Variants in PHYH observed in about 807,000 individuals in gnomAD.
PHYH encodes the protein phytanoyl-CoA dioxygenase, peroxisomal.
Under a neutral mutation model 38.5 loss-of-function variants are expected in PHYH, and 32 were observed. The ratio of observed to expected loss-of-function variants is 0.83; its 90% CI spans 0.63 to 1.12. The LOEUF (loss-of-function observed/expected upper bound fraction) is 1.12. Ranked by LOEUF, PHYH falls within the 50% of genes most tolerant of loss-of-function variation. The pLI, the probability that PHYH is intolerant of heterozygous loss-of-function variation, is 0.00. For missense variants in PHYH, 426 were observed against 434.8 expected (o/e 0.98, Z 0.18); for synonymous variants, 166 against 157.9 (o/e 1.05, Z -0.38).
At chr10:13,288,762 T>A (rs1835625208) in intron 5 of PHYH, among the ~76,000 whole-genome samples, 1 of 151,350 alleles carries the variant, frequency 6.6e-6, no homozygotes, top group Admixed American at 6.6e-5. Context: ...CAAAAACAAC[T>A]AGCCGGGTGT....
At chr10:13,290,217 C>A (rs923346407) in intron 5 of PHYH, among the ~76,000 whole-genome samples, 1 of 151,602 alleles carries the variant, frequency 6.6e-6, no homozygotes, top group Non-Finnish European at 1.5e-5. Context: ...ATCACTCAAA[C>A]CCCAGAGGCA....
At chr10:13,288,968 T>A (rs976164250) in intron 5 of PHYH, among the ~76,000 whole-genome samples, 1 of 134,210 alleles carries the variant, frequency 7.5e-6, no homozygotes, top group East Asian at 2.4e-4. Context: ...AGAATTCTTA[T>A]CCTTTGCCTG....
At chr10:13,289,174 C>A (rs1260390202) in intron 5 of PHYH, among the ~76,000 whole-genome samples, 3 of 152,088 alleles carry the variant, frequency 2.0e-5, no homozygotes, top group African/African-American at 7.2e-5. Context: ...ATAACATCCT[C>A]ATCTCTGTTG....
chr10:13,292,198 T>C (rs1835729485), intron 4 of PHYH, among the ~76,000 whole-genome samples: 1 of 152,198 alleles, frequency 6.6e-6, no homozygotes, highest in South Asian at 2.1e-4. Flanking sequence ...AATATAGCTT[T>C]CTTGTCAACC....
intron 1 of PHYH, chr10:13,299,668 C>T (rs1330055623): frequency 5.8e-6 from 7 of 1,213,072 alleles, no homozygotes; most frequent in African/African-American, 1.6e-5. Context: ...CACGCGCCGC[C>T]GGTGAAACGA....
intron 8 of PHYH, 123 bp from the exon 9 acceptor site, chr10:13,278,477 A>G: frequency 1.4e-6 from 1 of 740,418 alleles, no homozygotes; most frequent in East Asian, 2.6e-5. Flanking sequence ...TAGGGAAAAT[A>G]ATCCCTGTAA....
intron 7 of PHYH, among the ~76,000 whole-genome samples, chr10:13,281,473 G>A (rs77907729): frequency 0.015 from 2,199 of 151,620 alleles, 57 homozygotes; most frequent in African/African-American, 0.05. Flanking sequence ...TGCATTCCAC[G>A]GCAGTTTATC....
At chr10:13,298,366 A>G in intron 1 of PHYH, 121 bp from the exon 2 acceptor site, 1 of 656,638 alleles carries the variant, frequency 1.5e-6, no homozygotes, top group Non-Finnish European at 2.8e-6. Flanking sequence ...CAGGAGTTCG[A>G]GACCAGCCTG....
chr10:13,289,852 C>T (rs976158262), intron 5 of PHYH, among the ~76,000 whole-genome samples: 3 of 150,004 alleles, frequency 2.0e-5, no homozygotes, highest in Admixed American at 6.7e-5. Context: ...GCAGGAGAAT[C>T]GCTTGAACCC....
intron 7 of PHYH, among the ~76,000 whole-genome samples, chr10:13,283,457 C>A (rs1336799425): frequency 2.0e-5 from 3 of 152,044 alleles, no homozygotes; most frequent in African/African-American, 7.2e-5. Context: ...GGTTAGGATC[C>A]TGAGGTCACC....
intron 8 of PHYH, among the ~76,000 whole-genome samples, chr10:13,279,610 C>T (rs1835367150): frequency 6.6e-6 from 1 of 152,084 alleles, no homozygotes; most frequent in Admixed American, 6.6e-5. Flanking sequence ...TACTGCCCCA[C>T]CGGGTTTTGG....
chr10:13,280,339 C>A (rs752837780), intron 8 of PHYH, among the ~76,000 whole-genome samples: 22 of 151,208 alleles, frequency 1.5e-4, no homozygotes, highest in Non-Finnish European at 7.4e-5. Context: ...CCTTCTATCC[C>A]TTCAGAAGGC....
At chr10:13,297,530 T>G (rs1483902862) in intron 2 of PHYH, among the ~76,000 whole-genome samples, 1 of 152,202 alleles carries the variant, frequency 6.6e-6, no homozygotes, top group Non-Finnish European at 1.5e-5. Context: ...CTCAGCTCAC[T>G]GCAACCTTGA....
chr10:13,286,164 G>T (rs1474202820), intron 6 of PHYH, among the ~76,000 whole-genome samples: 1 of 151,998 alleles, frequency 6.6e-6, no homozygotes, highest in African/African-American at 2.4e-5. Flanking sequence ...CTCCCACTTT[G>T]GCTCCCACAG....
At chr10:13,283,168 G>A (rs1398489276) in intron 7 of PHYH, among the ~76,000 whole-genome samples, 4 of 127,224 alleles carry the variant, frequency 3.1e-5, no homozygotes, top group East Asian at 4.6e-4. Context: ...TCTCGCTGTC[G>A]CCCAGGCTGG....
In PHYH at chr10:13,278,119, T is replaced by TTC; in HGVS notation, c.*181_*182insGA. Reference sequence around the variant, plus strand: ...AATATTTCACTTTTACTGTTTTTTTTTTCCATTAAAGCAACACCATTGTGC... The same window carrying TTC: ...AATATTTCACTTTTACTGTTTTTTTTTCTTCCATTAAAGCAACACCATTGTGC... On this transcript the variant is annotated 3_prime_UTR_variant, in exon 9 of 9. Transcript: ENST00000263038. The TTC allele has an allele frequency of 1.7e-6, 1 of 604,922 alleles. No homozygotes were observed. The allele number at this position is 604,922 out of a possible 1,614,324, so 37.5% of individuals were successfully genotyped here. A position where few individuals can be genotyped will look rare whatever the true frequency, so the allele number is the denominator to read the frequency against.
At chr10:13,285,542 C>T (rs1016636976) in intron 6 of PHYH, among the ~76,000 whole-genome samples, 2 of 152,026 alleles carry the variant, frequency 1.3e-5, no homozygotes, top group African/African-American at 4.8e-5. Flanking sequence ...ACTCATTCTC[C>T]CTGCTTTAAC....
rs890313204 is a variant in PHYH at position 13,282,591 on chromosome 10, C to CAAA, written c.828+1096_828+1098dup. On this transcript the variant is annotated intron_variant, in intron 7 of 8. Transcript: ENST00000263038. ...TGGGCAACAGAGTGAGACTCCACCT[C>CAAA]AAAAAAAAAAAAAAAAGAAAAAAGG... 1.6e-3 allele frequency among the ~76,000 whole-genome samples: 127 copies of CAAA among 79,218 alleles called. 2 individuals are homozygous for CAAA. Among genetic ancestry groups the CAAA allele is most frequent in the African/African-American group, 5.7e-3 (102 of 17,842 alleles). The allele number at this position is 79,218 out of a possible 152,430, so 52.0% of individuals were successfully genotyped here.
chr10:13,292,949 A>AAG (rs1554784719), intron 4 of PHYH, among the ~76,000 whole-genome samples: 18 of 148,352 alleles, frequency 1.2e-4, no homozygotes, highest in Admixed American at 1.2e-3. Flanking sequence ...AAAAAAAAAA[A>AAG]AAGAAGAAGA....
Sources: allele counts gnomAD v4.1 joint callset (sites outside exome capture counted in the v4.1 genomes callset), GRCh38; gene constraint gnomAD v4.1.1; transcripts MANE v1.5; gene names NCBI Gene and HGNC (gene_info 2026-07-23, HGNC 2026-07-21).